Variants in LRP1B observed in about 807,000 individuals in gnomAD.
LRP1B encodes low-density lipoprotein receptor-related protein 1B.
A neutral mutation model predicts 556.6 loss-of-function variants in LRP1B; 217 were observed. That is an observed-to-expected ratio of 0.39 (90% CI 0.35 to 0.44). The LOEUF (loss-of-function observed/expected upper bound fraction) is 0.44. Among genes scored for constraint, LRP1B ranks in the 20% least tolerant of loss-of-function variants. The probability of loss-of-function intolerance (pLI) is 1.00; values close to 1 mark genes in which losing one functional copy is unlikely to be tolerated. For missense variants in LRP1B, 5,053 were observed against 5,620.8 expected (o/e 0.90, Z 3.23); for synonymous variants, 2,047 against 1,865.8 (o/e 1.10, Z -2.50).
At chr2:140,715,599 G>T (rs1195620220) in intron 37 of LRP1B, among the ~76,000 whole-genome samples, 1 of 152,024 alleles carries the variant, frequency 6.6e-6, no homozygotes, top group Non-Finnish European at 1.5e-5. Flanking sequence ...ACAGACACAT[G>T]AATGAATATT....
chr2:141,664,793 A>G (rs1387682989), intron 2 of LRP1B, among the ~76,000 whole-genome samples: 1 of 152,220 alleles, frequency 6.6e-6, no homozygotes, highest in Non-Finnish European at 1.5e-5. Context: ...AGTGATTTAC[A>G]GATTCAATGC....
intron 1 of LRP1B, among the ~76,000 whole-genome samples, chr2:142,076,088 A>G (rs995312362): frequency 2.0e-5 from 3 of 152,120 alleles, no homozygotes; most frequent in African/African-American, 4.8e-5. Context: ...TAAAGCACTG[A>G]CAGGTTTTTG....
chr2:140,439,400 C>T (rs1234212882), intron 66 of LRP1B, among the ~76,000 whole-genome samples: 1 of 152,016 alleles, frequency 6.6e-6, no homozygotes, highest in Non-Finnish European at 1.5e-5. Flanking sequence ...GAGCAGACAC[C>T]TTCGAGTAAA....
chr2:141,350,089 A>AC (rs1281080044), intron 3 of LRP1B, among the ~76,000 whole-genome samples: 1 of 151,810 alleles, frequency 6.6e-6, no homozygotes, highest in Non-Finnish European at 1.5e-5. Context: ...ATTTCATGAG[A>AC]CCCCCTCACT....
intron 1 of LRP1B, among the ~76,000 whole-genome samples, chr2:142,053,195 T>G (rs1240997580): frequency 6.6e-6 from 1 of 152,146 alleles, no homozygotes; most frequent in East Asian, 1.9e-4. Flanking sequence ...CAAGCATGAC[T>G]TTGATATTTA....
chr2:140,495,033 T>C (rs984613970), intron 56 of LRP1B, among the ~76,000 whole-genome samples: 2 of 152,144 alleles, frequency 1.3e-5, no homozygotes, highest in Non-Finnish European at 2.9e-5. Context: ...ATTAAATGTA[T>C]AATTTACAGG....
intron 43 of LRP1B, among the ~76,000 whole-genome samples, chr2:140,568,649 A>G (rs535586206): frequency 6.6e-6 from 1 of 152,240 alleles, no homozygotes; most frequent in South Asian, 2.1e-4. Flanking sequence ...CTCAAAATAT[A>G]TTCAACTCAA....
intron 1 of LRP1B, among the ~76,000 whole-genome samples, chr2:141,933,428 C>T (rs1011471204): frequency 1.2e-4 from 18 of 151,968 alleles, no homozygotes; most frequent in Non-Finnish European, 5.9e-5. Context: ...AAGGTGAAAC[C>T]GAGTTCTGTT....
chr2:140,247,775 TAAG>T (rs1007835976), intron 86 of LRP1B, among the ~76,000 whole-genome samples: 3 of 151,654 alleles, frequency 2.0e-5, no homozygotes, highest in African/African-American at 7.3e-5. Flanking sequence ...AACACTATGA[TAAG>T]AAGTAAAAGA....
intron 3 of LRP1B, among the ~76,000 whole-genome samples, chr2:141,364,270 AACAC>A (rs35479321): frequency 6.7e-5 from 10 of 148,730 alleles, no homozygotes; most frequent in African/African-American, 2.2e-4. Context: ...TGGAGGAAAT[AACAC>A]ACACACACAC....
chr2:140,780,561 G>A (rs1204161205), intron 32 of LRP1B, among the ~76,000 whole-genome samples: 4 of 152,134 alleles, frequency 2.6e-5, no homozygotes, highest in Non-Finnish European at 5.9e-5. Flanking sequence ...AAATGAAGAT[G>A]TTCCCTCCTT....
At chr2:141,739,823 T>C (rs1186282148) in intron 2 of LRP1B, among the ~76,000 whole-genome samples, 1 of 152,096 alleles carries the variant, frequency 6.6e-6, no homozygotes, top group Admixed American at 6.6e-5. Flanking sequence ...GAAATATCTT[T>C]TTCTGACTGC....
intron 84 of LRP1B, among the ~76,000 whole-genome samples, chr2:140,293,381 AACTT>A (rs1683473686): frequency 6.6e-6 from 1 of 152,194 alleles, no homozygotes; most frequent in African/African-American, 2.4e-5. Context: ...GTTCTTTAAC[AACTT>A]ACTTAAAGAA....
chr2:141,450,616 T>C (rs1042484841), intron 3 of LRP1B, among the ~76,000 whole-genome samples: 2 of 151,430 alleles, frequency 1.3e-5, no homozygotes, highest in Non-Finnish European at 2.9e-5. Flanking sequence ...AACATAAAAA[T>C]GATTCAATAT....
At chr2:141,609,295 T>C (rs1688024696) in intron 2 of LRP1B, among the ~76,000 whole-genome samples, 1 of 152,204 alleles carries the variant, frequency 6.6e-6, no homozygotes, top group South Asian at 2.1e-4. Context: ...TTTAAGACAG[T>C]AATGTGAGGA....
At chr2:142,010,344 G>A (rs1702916975) in intron 1 of LRP1B, among the ~76,000 whole-genome samples, 1 of 151,954 alleles carries the variant, frequency 6.6e-6, no homozygotes, top group South Asian at 2.1e-4. Context: ...CACGAGGTCA[G>A]GAGATCGAGA....
chr2:140,812,486 T>C (rs1429549442), intron 32 of LRP1B, among the ~76,000 whole-genome samples: 1 of 152,054 alleles, frequency 6.6e-6, no homozygotes, highest in African/African-American at 2.4e-5. Flanking sequence ...AAATCAAAGA[T>C]GATAAAAATA....
At chr2:141,850,387 T>C (rs1697806567) in intron 1 of LRP1B, among the ~76,000 whole-genome samples, 1 of 151,702 alleles carries the variant, frequency 6.6e-6, no homozygotes, top group Non-Finnish European at 1.5e-5. Flanking sequence ...TAGTATTCTT[T>C]AGAGATTTTA....
At chr2:141,687,881 T>A (rs1233721527) in intron 2 of LRP1B, among the ~76,000 whole-genome samples, 1 of 150,052 alleles carries the variant, frequency 6.7e-6, no homozygotes, top group African/African-American at 2.5e-5. Flanking sequence ...AGTAAATGAT[T>A]CAGGAATTTG....
Sources: gnomAD v4.1 joint callset for allele counts (sites outside exome capture counted in the v4.1 genomes callset) on GRCh38, gnomAD v4.1.1 for gene constraint, MANE v1.5 for transcripts, NCBI Gene and HGNC (gene_info 2026-07-23, HGNC 2026-07-21) for gene names.